ZNF440: variants seen among roughly 807,000 people sequenced by gnomAD.
ZNF440 encodes the protein zinc finger protein 440.
In ZNF440, 47 loss-of-function variants were observed where a neutral mutation model predicts 49.7. The ratio of observed to expected loss-of-function variants is 0.95; its 90% CI spans 0.75 to 1.21. The LOEUF is 1.21. ZNF440 is among the 50% of genes most tolerant of loss of function. ZNF440 has a pLI of 0.00. For missense variants in ZNF440, 703 were observed against 715.0 expected (o/e 0.98, Z 0.19); for synonymous variants, 255 against 237.7 (o/e 1.07, Z -0.67).
intron 1 of ZNF440, among the ~76,000 whole-genome samples, chr19:11,826,107 G>A (rs535769073): frequency 2.0e-5 from 3 of 152,234 alleles, no homozygotes; most frequent in East Asian, 1.9e-4. Context: ...CACCGCACGC[G>A]GCCAGGGCCA....
chr19:11,825,940 C>T (rs528161186), intron 1 of ZNF440, among the ~76,000 whole-genome samples: 16 of 151,918 alleles, frequency 1.1e-4, no homozygotes, highest in Non-Finnish European at 2.1e-4. Flanking sequence ...CTCTGCCTCC[C>T]GAGTAGCTGG....
chr19:11,833,670 A>G lies in ZNF440; in HGVS notation c.*706A>G, dbSNP rs1062259. The stretch of plus-strand genomic sequence containing the variant: ...AGAGAAACCCTATGAGTGTATGCCA[A>G]GTGGGAAAGCCTTCATTTCTTCTAG... On this transcript the variant is annotated 3_prime_UTR_variant, in exon 4 of 4. Coordinates refer to ENST00000304060, the MANE Select transcript of ZNF440 (RefSeq NM_152357.3). The G allele has an allele frequency of 2.2e-6, 1 of 446,498 alleles. No individual in the cohort carries two copies. The highest frequency in any genetic ancestry group is 4.0e-6 in the Non-Finnish European group (1 of 247,666). 27.7% of individuals were successfully genotyped at this position (446,498 alleles called of 1,614,324 possible).
rs1262444761 is a variant in ZNF440, at chr19:11,821,949, G to A, written c.3+7499G>A. ...AGCTGCAGAGCAACACAGAGTGGGGGGAACATCCAGGATGCACATTCAACC... is the reference window on the plus strand; with the variant it reads ...AGCTGCAGAGCAACACAGAGTGGGGAGAACATCCAGGATGCACATTCAACC... On this transcript the variant is annotated intron_variant, in intron 1 of 3. Coordinates refer to ENST00000304060, the MANE Select transcript of ZNF440 (RefSeq NM_152357.3). Among the ~76,000 whole-genome samples the A allele has an allele frequency of 5.9e-5, 9 of 152,216 alleles. No individual in the cohort carries two copies. The South Asian group carries it at 6.2e-4, about 11-fold the overall frequency.
At chr19:11,819,301 A>C (rs1395738601) in intron 1 of ZNF440, among the ~76,000 whole-genome samples, 1 of 152,130 alleles carries the variant, frequency 6.6e-6, no homozygotes, top group Non-Finnish European at 1.5e-5. Context: ...CCAACTGGCT[A>C]TGTAAAAGCT....
In ZNF440 at chr19:11,830,664, A is replaced by AGGAGAAACT; in HGVS notation, c.179_187dup (p.Asn62_Phe63insTrpArgAsn). 1 of 1,613,946 alleles carries AGGAGAAACT rather than the reference A, an allele frequency of 6.2e-7. No homozygotes were observed. Among genetic ancestry groups the AGGAGAAACT allele is most frequent in the Non-Finnish European group, 8.5e-7 (1 of 1,179,854 alleles). ...CATTGAATATGAGCACCAAAACCCC[A>AGGAGAAACT]GGAGAAACTTCAGGTAATTTGTACT... On this transcript the variant is annotated inframe_insertion, in exon 3 of 4. Transcript: ENST00000304060.
intron 1 of ZNF440, among the ~76,000 whole-genome samples, chr19:11,827,127 A>G (rs929135015): frequency 9.6e-5 from 14 of 146,084 alleles, no homozygotes; most frequent in Non-Finnish European, 1.6e-4. Flanking sequence ...GCAGTGGCGT[A>G]ATCTTGGCTC....
chr19:11,816,915 G>A (rs1477075302), intron 1 of ZNF440: 2 of 152,262 alleles, frequency 1.3e-5, no homozygotes, highest in Admixed American at 6.5e-5. Context: ...ACATGTGTGA[G>A]CCACCTCACC....
rs372457887 is a variant in ZNF440 at position 11,831,812 on chromosome 19, C to T, written c.636C>T (p.Leu212=). Residue 212 remains leucine (L), a synonymous_variant, in exon 4 of 4, where the codon CTC becomes CTT. Transcript: ENST00000304060. The part of the protein sequence containing the change: ...CKFCGKAFHC[L]RLYLIHERIH... ...TTTGTGGGAAAGCATTCCATTGTCT[C>T]AGATTATATCTTATCCATGAAAGAA... 33 of 1,609,176 alleles carry T rather than the reference C, an allele frequency of 2.1e-5. No individual in the cohort carries two copies. The highest frequency in any genetic ancestry group is 1.5e-4 in the Admixed American group (9 of 59,794).
At chr19:11,825,091 C>A (rs1975847028) in intron 1 of ZNF440, among the ~76,000 whole-genome samples, 1 of 151,814 alleles carries the variant, frequency 6.6e-6, no homozygotes, top group African/African-American at 2.4e-5. Flanking sequence ...GCCAAAGCAG[C>A]AGGACAGCTT....
At chr19:11,820,588 C>A (rs1297876992) in intron 1 of ZNF440, among the ~76,000 whole-genome samples, 2 of 152,132 alleles carry the variant, frequency 1.3e-5, no homozygotes, top group Admixed American at 1.3e-4. Context: ...AAAATCCCCA[C>A]GACTGCCCTG....
intron 1 of ZNF440, among the ~76,000 whole-genome samples, chr19:11,829,570 A>G (rs1391652710): frequency 6.6e-6 from 1 of 152,028 alleles, no homozygotes; most frequent in Non-Finnish European, 1.5e-5. Context: ...GTCCAAAGAG[A>G]CATTAGGGAC....
At chr19:11,827,579 G>T (rs138597995) in intron 1 of ZNF440, 62 of 152,248 alleles carry the variant, frequency 4.1e-4, no homozygotes, top group African/African-American at 1.4e-3. Context: ...CATGCTTTTT[G>T]TGTTGTGTGT....
At position 11,830,739 on chromosome 19, in the gene ZNF440, A is replaced by G. The variant is rs974575314; in HGVS notation, c.191+62A>G. ...AGACAATCTTAGAATATGACAATAT[A>G]TTAAAAATAAGTAAAACAAAGAACT... On this transcript the variant is annotated intron_variant, in intron 3 of 3. Transcript: ENST00000304060. The G allele has an allele frequency of 7.1e-6, 11 of 1,541,052 alleles. No individual in the cohort carries two copies. In the South Asian group the frequency reaches 1.2e-4, roughly 17 times the overall value.
rs755534063 is a variant in ZNF440 at position 11,831,660 on chromosome 19, C to T, written c.484C>T (p.Gln162Ter). 6.2e-7 allele frequency: 1 copy of T among 1,614,152 alleles called. No homozygotes were observed. The highest frequency in any genetic ancestry group is 1.1e-5 in the South Asian group (1 of 91,082). Residue 162 changes from glutamine (Q) to a stop codon, truncating the protein, a stop_gained, in exon 4 of 4, where the codon CAA (glutamine) becomes TAA (stop). Transcript: ENST00000304060. LOFTEE classifies it high-confidence loss of function. ...CAGATACCGCCCCTCCTTTAGAACACAAGAAAGGGATCACACTGGAGAGAA... is the reference window on the plus strand; with the variant it reads ...CAGATACCGCCCCTCCTTTAGAACATAAGAAAGGGATCACACTGGAGAGAA... ...AFRYRPSFRTQERDHTGEKPN... is the reference protein window; with the variant it reads ...AFRYRPSFRT
chr19:11,830,139 C>G (rs1975915864), intron 1 of ZNF440, 144 bp from the exon 2 acceptor site: 1 of 1,469,558 alleles, frequency 6.8e-7, no homozygotes, highest in Admixed American at 2.3e-5. Context: ...AGTAAGTATA[C>G]ACAGGGAGAA....
Position 11,832,871 on chromosome 19 carries a change from A to G in ZNF440, c.1695A>G (p.Thr565=), listed in dbSNP as rs749012237. The G allele has an allele frequency of 1.2e-6, 2 of 1,612,538 alleles. No individual in the cohort carries two copies. Among genetic ancestry groups the G allele is most frequent in the South Asian group, 1.1e-5 (1 of 91,026 alleles). Residue 565 remains threonine, a synonymous_variant, in exon 4 of 4, where the codon ACA becomes ACG. Coordinates refer to ENST00000304060, the MANE Select transcript of ZNF440 (RefSeq NM_152357.3). ...CCTTTGAATACGTGGTAGGACACAC[A>G]ATGGAGAGAAGCCCTATGCATGTAA... ...PHTFEYVVGH[T]MERSPMHVRN... is the part of the protein sequence containing the mutation.
chr19:11,828,712 T>C (rs1364904121), intron 1 of ZNF440, among the ~76,000 whole-genome samples: 2 of 151,760 alleles, frequency 1.3e-5, no homozygotes, highest in Non-Finnish European at 2.9e-5. Context: ...TGAATCAAGT[T>C]TCACTCTTGT....
Position 11,831,461 on chromosome 19 carries a change from G to A in ZNF440, c.285G>A (p.Gln95=). 6.2e-7 allele frequency: 1 copy of A among 1,613,876 alleles called. No individual in the cohort carries two copies. Among genetic ancestry groups the A allele is most frequent in the South Asian group, 1.1e-5 (1 of 91,062 alleles). Residue 95 remains glutamine (Q), a synonymous_variant, in exon 4 of 4, where the codon CAG becomes CAA. Coordinates refer to ENST00000304060, the MANE Select transcript of ZNF440 (RefSeq NM_152357.3). Reference sequence around the variant, plus strand: ...TTCCAGATGACAGACTGAACTTCCAGGAGAAGAAAGCTTCTCCTGAAGTAA... The same window carrying A: ...TTCCAGATGACAGACTGAACTTCCAAGAGAAGAAAGCTTCTCCTGAAGTAA... The part of the protein sequence containing the change: ...TPVPDDRLNF[Q]EKKASPEVKS...
chr19:11,826,997 G>C (rs1475823982), intron 1 of ZNF440, among the ~76,000 whole-genome samples: 11 of 151,688 alleles, frequency 7.3e-5, no homozygotes, highest in Non-Finnish European at 1.6e-4. Flanking sequence ...ATGTAATGTA[G>C]AGCATCCTGT....
Sources: gnomAD v4.1 joint callset for allele counts (sites outside exome capture counted in the v4.1 genomes callset) on GRCh38, gnomAD v4.1.1 for gene constraint, MANE v1.5 for transcripts, NCBI Gene and HGNC (gene_info 2026-07-23, HGNC 2026-07-21) for gene names.